ERC2: variants seen among roughly 807,000 people sequenced by gnomAD.
The protein encoded by ERC2 is ERC protein 2.
A neutral mutation model predicts 114.8 loss-of-function variants in ERC2; 42 were observed. The ratio of observed to expected loss-of-function variants is 0.37; its 90% CI spans 0.29 to 0.47. ERC2 has a LOEUF of 0.47. ERC2 is among the 20% of genes least tolerant of loss of function. The pLI is 0.99. For synonymous variants in ERC2, 454 were observed against 425.5 expected (o/e 1.07, Z -0.82); for missense variants, 939 against 1,150.7 (o/e 0.82, Z 2.66).
intron 2 of ERC2, among the ~76,000 whole-genome samples, chr3:56,414,724 CAA>C (rs10706985): frequency 1.4e-4 from 15 of 104,820 alleles, no homozygotes; most frequent in Admixed American, 2.0e-4. Flanking sequence ...GACTCTGTCT[CAA>C]AAAAAAAAAA....
At chr3:55,604,162 G>C (rs1218410438) in intron 17 of ERC2, among the ~76,000 whole-genome samples, 4 of 152,078 alleles carry the variant, frequency 2.6e-5, no homozygotes, top group African/African-American at 9.7e-5. Context: ...TGGATTTGCA[G>C]AATCTCTTCT....
intron 15 of ERC2, among the ~76,000 whole-genome samples, chr3:55,703,161 T>G (rs1193158401): frequency 6.6e-6 from 1 of 152,176 alleles, no homozygotes; most frequent in Non-Finnish European, 1.5e-5. Context: ...ACACATTCCA[T>G]AGCCAGAGTG....
chr3:56,067,853 C>A (rs182201530), intron 7 of ERC2, among the ~76,000 whole-genome samples: 7 of 152,066 alleles, frequency 4.6e-5, no homozygotes, highest in Admixed American at 3.9e-4. Context: ...TATTGATTTG[C>A]GTATGTTGAA....
intron 17 of ERC2, among the ~76,000 whole-genome samples, chr3:55,663,874 C>CA (rs2148714992): frequency 6.6e-6 from 1 of 152,324 alleles, no homozygotes; most frequent in African/African-American, 2.4e-5. Context: ...TAACCATGTA[C>CA]ACACACTCTT....
intron 14 of ERC2, among the ~76,000 whole-genome samples, chr3:55,819,735 G>A (rs916467237): frequency 1.3e-5 from 2 of 152,144 alleles, no homozygotes; most frequent in South Asian, 2.1e-4. Context: ...GACAAGTGCC[G>A]CTTTGGAATG....
chr3:55,839,162 C>T (rs1241962031), intron 14 of ERC2, among the ~76,000 whole-genome samples: 1 of 151,506 alleles, frequency 6.6e-6, no homozygotes, highest in Non-Finnish European at 1.5e-5. Flanking sequence ...ATAAAAGTTA[C>T]AACACAGTGG....
intron 2 of ERC2, among the ~76,000 whole-genome samples, chr3:56,378,569 AAT>A (rs2059633778): frequency 2.5e-5 from 3 of 122,188 alleles, no homozygotes; most frequent in Admixed American, 9.0e-5. Context: ...CTTAAAGTAT[AAT>A]AAAAAAAAAA....
At chr3:55,551,531 A>G (rs909392200) in intron 17 of ERC2, among the ~76,000 whole-genome samples, 4 of 152,290 alleles carry the variant, frequency 2.6e-5, no homozygotes, top group African/African-American at 9.6e-5. Context: ...TCAAAAAAAC[A>G]AAAAACAAAA....
At chr3:56,133,777 A>T (rs569021251) in intron 6 of ERC2, among the ~76,000 whole-genome samples, 1 of 152,362 alleles carries the variant, frequency 6.6e-6, no homozygotes, top group East Asian at 1.9e-4. Flanking sequence ...AATTACATTT[A>T]AAAGGCTAAG....
intron 14 of ERC2, among the ~76,000 whole-genome samples, chr3:55,770,630 T>A (rs1024226298): frequency 8.5e-5 from 13 of 152,350 alleles, no homozygotes; most frequent in African/African-American, 2.9e-4. Flanking sequence ...TTAATTTTTT[T>A]AAATTATACT....
chr3:55,573,894 T>A (rs956878697), intron 17 of ERC2, among the ~76,000 whole-genome samples: 1 of 152,176 alleles, frequency 6.6e-6, no homozygotes, highest in Non-Finnish European at 1.5e-5. Context: ...ACATAGCTTT[T>A]ATTTGATGAG....
At chr3:55,929,005 A>G (rs1368563027) in intron 13 of ERC2, among the ~76,000 whole-genome samples, 2 of 151,978 alleles carry the variant, frequency 1.3e-5, no homozygotes, top group Admixed American at 1.3e-4. Flanking sequence ...TGTTTTGGTT[A>G]CTATCCACCA....
chr3:55,752,759 T>C (rs901328227), intron 14 of ERC2, among the ~76,000 whole-genome samples: 2 of 72,706 alleles, frequency 2.8e-5, no homozygotes, highest in Non-Finnish European at 5.0e-5. Context: ...AAAGTAGAGA[T>C]TCGAACCCGG....
chr3:56,255,742 G>A (rs1231849084), intron 3 of ERC2, among the ~76,000 whole-genome samples: 2 of 152,140 alleles, frequency 1.3e-5, no homozygotes, highest in South Asian at 2.1e-4. Flanking sequence ...TTCTGCCAGT[G>A]GGTTGAATTC....
intron 16 of ERC2, among the ~76,000 whole-genome samples, chr3:55,688,658 T>C (rs893993221): frequency 4.6e-5 from 7 of 152,148 alleles, no homozygotes; most frequent in African/African-American, 1.7e-4. Context: ...GAAAGGGGTC[T>C]TCATATGCAA....
intron 12 of ERC2, among the ~76,000 whole-genome samples, chr3:55,968,144 T>A (rs953389703): frequency 2.6e-5 from 4 of 152,108 alleles, no homozygotes; most frequent in Non-Finnish European, 1.5e-5. Flanking sequence ...TTTCTTTTTT[T>A]AACATTATAT....
At chr3:55,516,258 A>G (rs2052495590) in intron 17 of ERC2, among the ~76,000 whole-genome samples, 1 of 148,994 alleles carries the variant, frequency 6.7e-6, no homozygotes, top group African/African-American at 2.4e-5. Flanking sequence ...AAAAAAAAAC[A>G]AACAAAAAAC....
chr3:56,296,402 C>T lies in ERC2; in HGVS notation c.691G>A (p.Glu231Lys). ...TTGAGGTCTCTCTGGGTTCGCAGCT[C>T]ATCTTGAAGGGCCTGGATTGTCAAC... ...LQLTIQALQDELRTQRDLNHL... is the reference protein window; with the variant it reads ...LQLTIQALQDKLRTQRDLNHL... The change falls in exon 3 of 18, where the codon GAG (glutamate) becomes AAG (lysine). Residue 231 changes from glutamate (E) to lysine (K), a missense_variant. Glu to Lys is a moderately conservative substitution (Grantham distance 56). Transcript: ENST00000288221. 1 of 1,613,844 alleles carries T rather than the reference C, an allele frequency of 6.2e-7. No individual in the cohort carries two copies. The highest frequency in any genetic ancestry group is 8.5e-7 in the Non-Finnish European group (1 of 1,179,800).
intron 1 of ERC2, among the ~76,000 whole-genome samples, chr3:56,454,220 T>A (rs921716434): frequency 6.6e-6 from 1 of 152,200 alleles, no homozygotes; most frequent in African/African-American, 2.4e-5. Context: ...GTAGAGCAGT[T>A]TAAAGCATGG....
Sources: allele counts gnomAD v4.1 joint callset (sites outside exome capture counted in the v4.1 genomes callset), GRCh38; gene constraint gnomAD v4.1.1; transcripts MANE v1.5; gene names NCBI Gene and HGNC (gene_info 2026-07-23, HGNC 2026-07-21).